The following RAB3GAP2 variants were observed in gnomAD, a reference collection of about 807,000 sequenced individuals.
The protein encoded by RAB3GAP2 is RAB3 GTPase activating non-catalytic protein subunit 2, also known as rab3 GTPase-activating protein non-catalytic subunit.
RAB3GAP2 carries 87 observed loss-of-function variants against 185.3 expected under a neutral mutation model. That is an observed-to-expected ratio of 0.47 (90% CI 0.39 to 0.56). The LOEUF is 0.56. RAB3GAP2 is among the 20% of genes least tolerant of loss of function. The pLI is 0.00. For synonymous variants in RAB3GAP2, 554 were observed against 576.1 expected (o/e 0.96, Z 0.55); for missense variants, 1,492 against 1,638.2 (o/e 0.91, Z 1.54).
chr1:220,262,675 TTG>T (rs1159456607), intron 1 of RAB3GAP2, among the ~76,000 whole-genome samples: 3 of 152,194 alleles, frequency 2.0e-5, no homozygotes, highest in African/African-American at 4.8e-5. Context: ...CAGTATTCCA[TTG>T]TGTGTATAAT....
intron 33 of RAB3GAP2, 59 bp from the exon 34 acceptor site, chr1:220,151,823 T>C (rs1213399966): frequency 6.6e-7 from 1 of 1,517,860 alleles, no homozygotes; most frequent in Non-Finnish European, 9.1e-7. Flanking sequence ...GTTTATTCTA[T>C]AGGAAAGGGG....
chr1:220,151,458 T>C (rs944099357), intron 34 of RAB3GAP2, 52 bp from the exon 35 acceptor site: 1 of 1,609,508 alleles, frequency 6.2e-7, no homozygotes, highest in African/African-American at 1.3e-5. Flanking sequence ...ACAATAATTG[T>C]TATTGACTTA....
intron 1 of RAB3GAP2, among the ~76,000 whole-genome samples, chr1:220,249,505 T>C (rs955614561): frequency 6.6e-6 from 1 of 152,154 alleles, no homozygotes; most frequent in African/African-American, 2.4e-5. Flanking sequence ...TTTGAAAAAT[T>C]TGTAGCCCGA....
chr1:220,178,730 G>C (rs1467223246), intron 21 of RAB3GAP2, among the ~76,000 whole-genome samples: 1 of 151,950 alleles, frequency 6.6e-6, no homozygotes, highest in Non-Finnish European at 1.5e-5. Context: ...ACAGAAAAAA[G>C]AGAGGAGTTA....
At chr1:220,201,565 T>A (rs1023862861) in intron 9 of RAB3GAP2, among the ~76,000 whole-genome samples, 5 of 152,092 alleles carry the variant, frequency 3.3e-5, no homozygotes, top group African/African-American at 4.8e-5. Context: ...AGTGGCGTGA[T>A]CTTGGCTCAC....
At chr1:220,182,413 T>C (rs1658427755) in intron 20 of RAB3GAP2, 59 bp from the exon 21 acceptor site, 1 of 1,603,220 alleles carries the variant, frequency 6.2e-7, no homozygotes, top group Admixed American at 1.7e-5. Flanking sequence ...GGACTAACAA[T>C]CTTATTGAAT....
chr1:220,184,452 C>T (rs1409143906), intron 18 of RAB3GAP2, among the ~76,000 whole-genome samples: 1 of 151,986 alleles, frequency 6.6e-6, no homozygotes, highest in East Asian at 1.9e-4. Context: ...TCTGGAAATA[C>T]CTTTGAAAAT....
At chr1:220,206,047 AT>A in intron 7 of RAB3GAP2, 41 bp from the exon 8 acceptor site, 1 of 1,253,396 alleles carries the variant, frequency 8.0e-7, no homozygotes, top group Non-Finnish European at 1.1e-6. Context: ...GAATAGATAA[AT>A]AAGCTTATCT....
intron 1 of RAB3GAP2, among the ~76,000 whole-genome samples, chr1:220,241,204 T>C (rs1346095232): frequency 6.6e-6 from 1 of 152,088 alleles, no homozygotes; most frequent in Non-Finnish European, 1.5e-5. Context: ...TCTGTCCTCA[T>C]AAACTGAGTG....
At chr1:220,217,675 C>T (rs1659224040) in intron 2 of RAB3GAP2, among the ~76,000 whole-genome samples, 2 of 152,172 alleles carry the variant, frequency 1.3e-5, no homozygotes, top group South Asian at 4.2e-4. Flanking sequence ...AACAGCATTC[C>T]CTATCTCTTA....
intron 21 of RAB3GAP2, among the ~76,000 whole-genome samples, chr1:220,175,452 C>A (rs764697205): frequency 6.6e-6 from 1 of 152,048 alleles, no homozygotes; most frequent in African/African-American, 2.4e-5. Context: ...CTCCTGACCT[C>A]GTGATTCGCC....
At chr1:220,164,468 G>GTTTTTTTTTTT (rs1339856200) in intron 27 of RAB3GAP2, among the ~76,000 whole-genome samples, 2 of 117,042 alleles carry the variant, frequency 1.7e-5, no homozygotes, top group African/African-American at 6.7e-5. Flanking sequence ...TTTGTTTTTT[G>GTTTTTTTTTTT]TTTTGTTTTT....
At chr1:220,166,616 T>C (rs911040303) in intron 26 of RAB3GAP2, among the ~76,000 whole-genome samples, 4 of 152,072 alleles carry the variant, frequency 2.6e-5, no homozygotes, top group Admixed American at 2.6e-4. Context: ...AGGCTTGGGG[T>C]CTTCCCCATA....
At chr1:220,179,048 T>C (rs1006163623) in intron 21 of RAB3GAP2, among the ~76,000 whole-genome samples, 11 of 151,958 alleles carry the variant, frequency 7.2e-5, no homozygotes, top group African/African-American at 2.7e-4. Context: ...GAAAAAGATA[T>C]TCCATAAAAA....
chr1:220,228,402 A>T (rs1027523298), intron 2 of RAB3GAP2, among the ~76,000 whole-genome samples: 1 of 152,196 alleles, frequency 6.6e-6, no homozygotes, highest in Non-Finnish European at 1.5e-5. Flanking sequence ...GATTTCTAAT[A>T]GTCCTGGTAT....
intron 2 of RAB3GAP2, among the ~76,000 whole-genome samples, chr1:220,216,123 C>T (rs1659197462): frequency 6.6e-6 from 1 of 152,016 alleles, no homozygotes; most frequent in Non-Finnish European, 1.5e-5. Flanking sequence ...ACCTCTGGGA[C>T]AGTCATGCAA....
intron 2 of RAB3GAP2, among the ~76,000 whole-genome samples, chr1:220,217,261 C>T (rs1405216338): frequency 6.6e-6 from 1 of 152,002 alleles, no homozygotes; most frequent in Non-Finnish European, 1.5e-5. Flanking sequence ...CAGTGAAAAC[C>T]CTTTTCTCCA....
At chr1:220,172,293 G>A (rs1654354641) in intron 22 of RAB3GAP2, among the ~76,000 whole-genome samples, 1 of 151,952 alleles carries the variant, frequency 6.6e-6, no homozygotes, top group Non-Finnish European at 1.5e-5. Context: ...CATCATTACT[G>A]AAAACTGTTG....
rs747655781 is a variant in RAB3GAP2, at chr1:220,214,006, T to C, written c.181-27A>G. ...TGTGGGTAAAACTACAATTACTGCA[T>C]ATGCAAAAATACCAAGAGTATTCAA... On this transcript the variant is annotated intron_variant, in intron 2 of 34. Coordinates refer to ENST00000358951, the MANE Select transcript of RAB3GAP2 (RefSeq NM_012414.4). The C allele has an allele frequency of 8.1e-6, 13 of 1,611,094 alleles. No homozygotes were observed. In the South Asian group the frequency reaches 1.3e-4, roughly 16 times the overall value.
Sources: allele counts gnomAD v4.1 joint callset (sites outside exome capture counted in the v4.1 genomes callset), GRCh38; gene constraint gnomAD v4.1.1; transcripts MANE v1.5; gene names NCBI Gene and HGNC (gene_info 2026-07-23, HGNC 2026-07-21).